PITPNC1: variants seen among roughly 807,000 people sequenced by gnomAD.
The protein encoded by PITPNC1 is phosphatidylinositol transfer protein cytoplasmic 1.
Under a neutral mutation model 44.7 loss-of-function variants are expected in PITPNC1, and 18 were observed. The ratio of observed to expected loss-of-function variants is 0.40; its 90% confidence interval spans 0.28 to 0.60. The LOEUF (loss-of-function observed/expected upper bound fraction) is 0.60, where lower values mean the gene tolerates loss of function less well. Among genes scored for constraint, PITPNC1 ranks in the 20% least tolerant of loss-of-function variants. PITPNC1 has a pLI of 0.39. For missense variants in PITPNC1, 290 were observed against 418.4 expected (o/e 0.69, Z 2.68); for synonymous variants, 141 against 149.6 (o/e 0.94, Z 0.42).
chr17:67,485,235 G>A (rs1027909198), intron 1 of PITPNC1, among the ~76,000 whole-genome samples: 24 of 152,152 alleles, frequency 1.6e-4, no homozygotes, highest in African/African-American at 5.1e-4. Flanking sequence ...TACCATGAGC[G>A]CAGTGGGAAA....
intron 1 of PITPNC1, among the ~76,000 whole-genome samples, chr17:67,449,675 T>G (rs1034270844): frequency 6.6e-6 from 1 of 152,202 alleles, no homozygotes; most frequent in African/African-American, 2.4e-5. Context: ...ACTCAACAAG[T>G]TTCTCTGTTT....
intron 1 of PITPNC1, among the ~76,000 whole-genome samples, chr17:67,415,487 A>G (rs2038573720): frequency 6.6e-6 from 1 of 152,170 alleles, no homozygotes; most frequent in Admixed American, 6.5e-5. Flanking sequence ...GCCTGGACTG[A>G]CTGTTCAGCC....
chr17:67,537,167 AAC>A (rs2040541335), intron 2 of PITPNC1, among the ~76,000 whole-genome samples: 3 of 152,232 alleles, frequency 2.0e-5, no homozygotes, highest in African/African-American at 7.2e-5. Flanking sequence ...TAAAGTCAGG[AAC>A]ACATTAAGGA....
chr17:67,443,696 G>A (rs971129965), intron 1 of PITPNC1, among the ~76,000 whole-genome samples: 6 of 145,656 alleles, frequency 4.1e-5, no homozygotes, highest in Non-Finnish European at 7.5e-5. Context: ...GTGAAGTGGT[G>A]TGATCTTGGC....
chr17:67,490,794 A>G (rs947246916), intron 1 of PITPNC1, among the ~76,000 whole-genome samples: 3 of 152,204 alleles, frequency 2.0e-5, no homozygotes, highest in African/African-American at 4.8e-5. Context: ...AATGGAGCTG[A>G]ACGTCAGCGC....
chr17:67,517,205 A>G (rs2040270437), intron 1 of PITPNC1, among the ~76,000 whole-genome samples: 1 of 152,224 alleles, frequency 6.6e-6, no homozygotes, highest in African/African-American at 2.4e-5. Flanking sequence ...GGACAACCAC[A>G]CTTGTCCTTT....
chr17:67,429,745 T>C (rs2143892031), intron 1 of PITPNC1, among the ~76,000 whole-genome samples: 1 of 152,348 alleles, frequency 6.6e-6, no homozygotes, highest in South Asian at 2.1e-4. Context: ...CCATTATTCT[T>C]TTATTCATTT....
chr17:67,443,443 C>T (rs959757144), intron 1 of PITPNC1, among the ~76,000 whole-genome samples: 2 of 151,596 alleles, frequency 1.3e-5, no homozygotes, highest in African/African-American at 4.8e-5. Context: ...ATTCATTTTT[C>T]GACTGTGATT....
At chr17:67,526,320 C>G (rs1181859011) in intron 1 of PITPNC1, among the ~76,000 whole-genome samples, 1 of 152,162 alleles carries the variant, frequency 6.6e-6, no homozygotes, top group Non-Finnish European at 1.5e-5. Context: ...AACTTTGGAT[C>G]CAGTATTTCT....
intron 5 of PITPNC1, among the ~76,000 whole-genome samples, chr17:67,630,015 C>T (rs985525081): frequency 2.0e-5 from 3 of 152,188 alleles, no homozygotes; most frequent in African/African-American, 7.2e-5. Context: ...AATTACAACA[C>T]AAATATTATT....
intron 1 of PITPNC1, among the ~76,000 whole-genome samples, chr17:67,415,706 A>C (rs1226291928): frequency 6.6e-6 from 1 of 152,196 alleles, no homozygotes; most frequent in Admixed American, 6.5e-5. Context: ...GAAATCTAAA[A>C]TGTTACATTT....
intron 2 of PITPNC1, among the ~76,000 whole-genome samples, chr17:67,544,278 T>G (rs1037146627): frequency 6.6e-6 from 1 of 152,136 alleles, no homozygotes; most frequent in Non-Finnish European, 1.5e-5. Context: ...TCTAGAATAG[T>G]GATTCTAAAT....
Position 67,597,034 on chromosome 17 carries a change from T to C in PITPNC1, c.366+18777T>C, listed in dbSNP as rs960435341. Among the ~76,000 whole-genome samples, 2 of 151,996 alleles carry C rather than the reference T, an allele frequency of 1.3e-5. No individual in the cohort carries two copies. Among genetic ancestry groups the C allele is most frequent in the Non-Finnish European group, 2.9e-5 (2 of 67,966 alleles). ...TCAGCCTCCCAAGTAACTGGGACTA[T>C]AGGCACTTGCCACCATGCTCGCCTA... On this transcript the variant is annotated intron_variant, in intron 5 of 8. Transcript: ENST00000581322. The surrounding 1 kb of genome is among the most constrained non-coding windows in gnomAD (Gnocchi z 4.0).
Position 67,532,680 on chromosome 17 carries a change from G to T in PITPNC1, c.49-122G>T, listed in dbSNP as rs1409408555. The T allele has an allele frequency of 5.8e-6, 4 of 684,414 alleles. No homozygotes were observed. In the East Asian group the frequency reaches 1.1e-4, roughly 19 times the overall value. 42.4% of individuals were successfully genotyped at this position (684,414 alleles called of 1,614,324 possible). A position where few individuals can be genotyped will look rare whatever the true frequency, so the allele number is the denominator to read the frequency against. ...GGAAAAGTAACATGAGGCCCATGTG[G>T]CTGCCTTCTCTTCTCAGCAGAAGGT... On this transcript the variant is annotated intron_variant, in intron 1 of 8. Coordinates refer to ENST00000581322, the MANE Select transcript of PITPNC1 (RefSeq NM_012417.4).
At chr17:67,472,791 AG>A (rs1226892958) in intron 1 of PITPNC1, among the ~76,000 whole-genome samples, 16 of 152,134 alleles carry the variant, frequency 1.1e-4, no homozygotes, top group Admixed American at 1.0e-3. Flanking sequence ...TGAGTCACTC[AG>A]GGGAGGGAGA....
intron 1 of PITPNC1, among the ~76,000 whole-genome samples, chr17:67,488,897 A>G (rs1028113725): frequency 6.6e-6 from 1 of 152,186 alleles, no homozygotes; most frequent in African/African-American, 2.4e-5. Flanking sequence ...CTCAAGGTGC[A>G]TCTGTGTGGT....
chr17:67,488,654 CGTT>C (rs1398393686), intron 1 of PITPNC1, among the ~76,000 whole-genome samples: 1 of 152,172 alleles, frequency 6.6e-6, no homozygotes, highest in Non-Finnish European at 1.5e-5. Context: ...GCATTCCTAT[CGTT>C]GTACCAGTAT....
intron 8 of PITPNC1, among the ~76,000 whole-genome samples, chr17:67,680,971 G>A (rs770571416): frequency 2.0e-5 from 3 of 152,160 alleles, no homozygotes; most frequent in Non-Finnish European, 4.4e-5. Context: ...TTTGTAGAGG[G>A]AAATAAAGTA....
chr17:67,467,899 T>C (rs933896760), intron 1 of PITPNC1, among the ~76,000 whole-genome samples: 2 of 152,224 alleles, frequency 1.3e-5, no homozygotes, highest in African/African-American at 2.4e-5. Flanking sequence ...AGACTCCTAA[T>C]GTGTCAGAAT....
Sources: allele counts gnomAD v4.1 joint callset (sites outside exome capture counted in the v4.1 genomes callset), GRCh38; gene constraint gnomAD v4.1.1; non-coding constraint Gnocchi (gnomAD v3.1); transcripts MANE v1.5; gene names NCBI Gene and HGNC (gene_info 2026-07-23, HGNC 2026-07-21).